SERPINB11: variants seen among roughly 807,000 people sequenced by gnomAD.
The protein encoded by SERPINB11 is serpin family B member 11.
In SERPINB11, 32 loss-of-function variants were observed where a neutral mutation model predicts 36.7. The ratio of observed to expected loss-of-function variants is 0.87; its 90% CI spans 0.66 to 1.17. The LOEUF (loss-of-function observed/expected upper bound fraction) is 1.17, where lower values mean the gene tolerates loss of function less well. Among genes scored for constraint, SERPINB11 ranks in the 50% most tolerant of loss-of-function variants. The pLI, the probability that SERPINB11 is intolerant of heterozygous loss-of-function variation, is 0.00. For missense variants in SERPINB11, 528 were observed against 458.4 expected (o/e 1.15, Z -1.39); for synonymous variants, 174 against 168.1 (o/e 1.04, Z -0.27).
Position 63,720,987 on chromosome 18 carries a change from G to A in SERPINB11, c.774+1G>A, listed in dbSNP as rs1914799354. 2 of 1,605,604 alleles carry A rather than the reference G, an allele frequency of 1.2e-6. No homozygotes were observed. Reference sequence around the variant, plus strand: ...AGTAGGCATAGCTAATCTGAAACAGGTAAAATTATAAGAATGCTATAATGC... The same window carrying A: ...AGTAGGCATAGCTAATCTGAAACAGATAAAATTATAAGAATGCTATAATGC... On this transcript the variant is annotated splice_donor_variant, in intron 7 of 7. Transcript: ENST00000544088. LOFTEE classifies it high-confidence loss of function.
chr18:63,711,674 C>A (rs1255417617), intron 3 of SERPINB11, among the ~76,000 whole-genome samples: 2 of 152,008 alleles, frequency 1.3e-5, no homozygotes, highest in Non-Finnish European at 2.9e-5. Context: ...GTTGAGTTTG[C>A]CAGTTTTGTC....
intron 7 of SERPINB11, among the ~76,000 whole-genome samples, chr18:63,721,429 G>A (rs1052242564): frequency 1.3e-5 from 2 of 152,136 alleles, no homozygotes; most frequent in Non-Finnish European, 2.9e-5. Context: ...GGAGAAATGG[G>A]CACCACACAC....
chr18:63,721,194 T>C (rs75352380), intron 7 of SERPINB11, among the ~76,000 whole-genome samples: 3,401 of 152,306 alleles, frequency 0.022, 49 homozygotes, highest in Middle Eastern at 0.034. Flanking sequence ...AACAAGCTAT[T>C]CTTACATGAG....
At chr18:63,716,283 C>T (rs1169928365) in intron 5 of SERPINB11, 131 bp downstream of exon 5, 4 of 520,146 alleles carry the variant, frequency 7.7e-6, no homozygotes, top group Non-Finnish European at 1.0e-5. Context: ...GGAATGGGGC[C>T]ATATTTTGGA....
chr18:63,711,290 T>C (rs1243387183), intron 2 of SERPINB11, 45 bp from the exon 3 acceptor site: 1 of 1,313,826 alleles, frequency 7.6e-7, no homozygotes. Flanking sequence ...TTATAGACTG[T>C]ACATTGCTTC....
At chr18:63,704,133 G>A (rs922636137) in intron 1 of SERPINB11, among the ~76,000 whole-genome samples, 1 of 152,190 alleles carries the variant, frequency 6.6e-6, no homozygotes, top group African/African-American at 2.4e-5. Flanking sequence ...TAGACTAGCT[G>A]TAAAATATCC....
At chr18:63,710,960 C>T (rs1401534895) in intron 2 of SERPINB11, among the ~76,000 whole-genome samples, 1 of 152,150 alleles carries the variant, frequency 6.6e-6, no homozygotes, top group African/African-American at 2.4e-5. Context: ...TGCTGGGAAA[C>T]CATGTAAGGT....
intron 7 of SERPINB11, among the ~76,000 whole-genome samples, chr18:63,722,258 G>A (rs1914833976): frequency 6.6e-6 from 1 of 152,196 alleles, no homozygotes; most frequent in African/African-American, 2.4e-5. Flanking sequence ...GTAGGCAGTA[G>A]TTGTCAAAAC....
At chr18:63,717,321 A>G (rs756753137) in intron 5 of SERPINB11, among the ~76,000 whole-genome samples, 1 of 152,060 alleles carries the variant, frequency 6.6e-6, no homozygotes, top group Non-Finnish European at 1.5e-5. Flanking sequence ...TCTTATAAAT[A>G]GTGCTGCTGT....
intron 4 of SERPINB11, among the ~76,000 whole-genome samples, 157 bp from the exon 5 acceptor site, chr18:63,715,878 A>G (rs753595379): frequency 6.6e-6 from 1 of 152,222 alleles, no homozygotes; most frequent in Non-Finnish European, 1.5e-5. Context: ...TATTTGTTTT[A>G]TTAAAAATAA....
intron 2 of SERPINB11, 61 bp from the exon 3 acceptor site, chr18:63,711,274 C>T (rs2144536285): frequency 1.8e-6 from 2 of 1,142,716 alleles, no homozygotes; most frequent in East Asian, 4.7e-5. Context: ...TTACAACTGT[C>T]AACCTTTATA....
At chr18:63,720,781 CAT>C (rs761743219) in intron 6 of SERPINB11, 48 bp from the exon 7 acceptor site, 176 of 1,330,820 alleles carry the variant, frequency 1.3e-4, no homozygotes, top group Non-Finnish European at 1.7e-4. Context: ...AGTACACACA[CAT>C]GTGCACTCAC....
chr18:63,707,405 G>C (rs1400471213), intron 1 of SERPINB11, among the ~76,000 whole-genome samples: 1 of 152,120 alleles, frequency 6.6e-6, no homozygotes, highest in Admixed American at 6.5e-5. Context: ...TCTCATCAAG[G>C]GGCATGCAAG....
Position 63,723,451 on chromosome 18 carries a change from C to T in SERPINB11, c.*52C>T. ...GTTGCAGATGAGGTGCAGAGACAAT[C>T]CTGTGACTTTCCCACGGCCAAAAAG... On this transcript the variant is annotated 3_prime_UTR_variant, in exon 8 of 8. Transcript: ENST00000544088. 1 of 1,507,406 alleles carries T rather than the reference C, an allele frequency of 6.6e-7. No homozygotes were observed. Among genetic ancestry groups the T allele is most frequent in the Non-Finnish European group, 8.9e-7 (1 of 1,119,380 alleles). 93.4% of individuals were successfully genotyped at this position (1,507,406 alleles called of 1,614,324 possible).
intron 1 of SERPINB11, among the ~76,000 whole-genome samples, chr18:63,705,042 G>C (rs1914335522): frequency 6.6e-6 from 1 of 152,116 alleles, no homozygotes; most frequent in African/African-American, 2.4e-5. Flanking sequence ...ATAGTACTAG[G>C]TGAAAAGTAT....
intron 4 of SERPINB11, among the ~76,000 whole-genome samples, chr18:63,713,780 A>G (rs183078625): frequency 6.6e-6 from 1 of 152,272 alleles, no homozygotes; most frequent in African/African-American, 2.4e-5. Context: ...CAAAACAGTG[A>G]CCCAGATATA....
At chr18:63,704,595 A>G (rs1399739260) in intron 1 of SERPINB11, among the ~76,000 whole-genome samples, 1 of 152,248 alleles carries the variant, frequency 6.6e-6, no homozygotes, top group East Asian at 1.9e-4. Flanking sequence ...ACTATCATTA[A>G]TACAAAGTTC....
chr18:63,702,831 T>C (rs961480157), upstream of SERPINB11: 1 of 152,138 alleles, frequency 6.6e-6, no homozygotes, highest in African/African-American at 2.4e-5. Context: ...AAAGAAGCTC[T>C]TGATGGACTT....
At chr18:63,715,877 T>C (rs978930618) in intron 4 of SERPINB11, among the ~76,000 whole-genome samples, 158 bp from the exon 5 acceptor site, 4 of 152,264 alleles carry the variant, frequency 2.6e-5, no homozygotes, top group African/African-American at 9.6e-5. Context: ...TTATTTGTTT[T>C]ATTAAAAATA....
Sources: gnomAD v4.1 joint callset for allele counts (sites outside exome capture counted in the v4.1 genomes callset) on GRCh38, gnomAD v4.1.1 for gene constraint, MANE v1.5 for transcripts, NCBI Gene and HGNC (gene_info 2026-07-23, HGNC 2026-07-21) for gene names.